Variants in FEZ1 observed in about 807,000 individuals in gnomAD.
FEZ1 encodes fasciculation and elongation protein zeta-1.
In FEZ1, 20 loss-of-function variants were observed where a neutral mutation model predicts 49.3. That is an observed-to-expected ratio of 0.41 (90% CI 0.29 to 0.59). The LOEUF is 0.59. FEZ1 is among the 20% of genes least tolerant of loss of function. FEZ1 has a pLI of 0.36. For synonymous variants in FEZ1, 170 were observed against 180.9 expected (o/e 0.94, Z 0.48); for missense variants, 413 against 476.0 (o/e 0.87, Z 1.23).
At chr11:125,457,872 T>C (rs541308594) in intron 5 of FEZ1, among the ~76,000 whole-genome samples, 5 of 152,238 alleles carry the variant, frequency 3.3e-5, no homozygotes, top group Non-Finnish European at 5.9e-5. Context: ...CCTCTTTGTT[T>C]CTGCTTTGCC....
At chr11:125,461,900 TTTG>T (rs1231083108) in intron 4 of FEZ1, among the ~76,000 whole-genome samples, 7 of 152,218 alleles carry the variant, frequency 4.6e-5, no homozygotes, top group Non-Finnish European at 1.0e-4. Context: ...ATACCCAGTC[TTTG>T]ACTACTGAAA....
intron 4 of FEZ1, among the ~76,000 whole-genome samples, chr11:125,460,892 T>C (rs58929810): frequency 0.14 from 20,847 of 152,224 alleles, 1,578 homozygotes; most frequent in East Asian, 0.29. Flanking sequence ...TTCCAAGAGC[T>C]CCTTTTAGAT....
rs1351128292 is a variant in FEZ1, at chr11:125,457,421, AAAAAAAAAAT to A, written c.668-1325_668-1316del. On this transcript the variant is annotated intron_variant, in intron 5 of 9. Coordinates refer to ENST00000278919, the MANE Select transcript of FEZ1 (RefSeq NM_005103.5). ...TCTACTTTAAAAAAAAAAAAAAAAAAAAAAAAAAATATATATATATATATATATATGTATA... is the reference window on the plus strand; with the variant it reads ...TCTACTTTAAAAAAAAAAAAAAAAAAATATATATATATATATATATGTATA... 2.7e-3 allele frequency among the ~76,000 whole-genome samples: 111 copies of A among 40,576 alleles called. 1 individual carries two copies. The East Asian group carries it at 0.04, about 15-fold the overall frequency. 26.6% of individuals were successfully genotyped at this position (40,576 alleles called of 152,430 possible). A position where few individuals can be genotyped will look rare whatever the true frequency, so the allele number is the denominator to read the frequency against.
intron 6 of FEZ1, chr11:125,455,467 C>T (rs1311096576): frequency 3.6e-6 from 1 of 278,844 alleles, no homozygotes; most frequent in Admixed American, 4.7e-5. Flanking sequence ...CTAAAGAGAC[C>T]AGTCAGGACT....
In FEZ1 at chr11:125,481,217, AT is replaced by A. The variant is rs199824552; in HGVS notation, c.411+316del. Among the ~76,000 whole-genome samples, 1,093 of 149,688 alleles carry A rather than the reference AT, an allele frequency of 7.3e-3. 13 individuals carry two copies. Among genetic ancestry groups the A allele is most frequent in the African/African-American group, 0.025 (1,042 of 40,874 alleles). ...CTACAACTCCTCCTTCCCAACAATA[AT>A]TTTTTTTTTAATTGAACCTCCTAGG... On this transcript the variant is annotated intron_variant, in intron 3 of 9. Coordinates refer to ENST00000278919, the MANE Select transcript of FEZ1 (RefSeq NM_005103.5).
At chr11:125,446,486 T>A (rs1198702260) in intron 9 of FEZ1, among the ~76,000 whole-genome samples, 2 of 152,190 alleles carry the variant, frequency 1.3e-5, no homozygotes. Flanking sequence ...ACAAATTCAG[T>A]GACAACTCAG....
At chr11:125,456,453 G>T (rs1957012062) in intron 5 of FEZ1, among the ~76,000 whole-genome samples, 1 of 152,168 alleles carries the variant, frequency 6.6e-6, no homozygotes, top group Non-Finnish European at 1.5e-5. Context: ...CAAGAATTGG[G>T]GATGGAAAAG....
chr11:125,484,859 A>T (rs1957313272), intron 2 of FEZ1, among the ~76,000 whole-genome samples: 1 of 152,146 alleles, frequency 6.6e-6, no homozygotes, highest in South Asian at 2.1e-4. Flanking sequence ...GCACAGGCAG[A>T]TGCTGGCAGC....
At chr11:125,472,838 T>C (rs1221781468) in intron 3 of FEZ1, among the ~76,000 whole-genome samples, 1 of 152,156 alleles carries the variant, frequency 6.6e-6, no homozygotes, top group Non-Finnish European at 1.5e-5. Context: ...GTGGGGTTTA[T>C]TTTAAAATAA....
Position 125,489,441 on chromosome 11 carries a change from A to G in FEZ1, c.311+26T>C. 1 of 1,590,804 alleles carries G rather than the reference A, an allele frequency of 6.3e-7. No homozygotes were observed. The highest frequency in any genetic ancestry group is 8.6e-7 in the Non-Finnish European group (1 of 1,169,520). ...GGACTACAGGGCTCTCGACTGAAGC[A>G]GGAGAGGGCAATTAAGACTTCTTAC... is the stretch of plus-strand genomic sequence containing the variant. On this transcript the variant is annotated intron_variant, in intron 2 of 9. Transcript: ENST00000278919. The surrounding 1 kb of genome is among the most constrained non-coding windows in gnomAD (Gnocchi z 4.2).
chr11:125,478,572 C>G (rs1367104532), intron 3 of FEZ1, among the ~76,000 whole-genome samples: 1 of 152,202 alleles, frequency 6.6e-6, no homozygotes, highest in Admixed American at 6.5e-5. Flanking sequence ...AGAAGGAATA[C>G]AGAGCACTGG....
intron 6 of FEZ1, 82 bp from the exon 7 acceptor site, chr11:125,454,292 T>C: frequency 9.6e-7 from 1 of 1,045,858 alleles, no homozygotes; most frequent in Non-Finnish European, 1.4e-6. Context: ...GCTACCAGGC[T>C]GTCCCAGATA....
Position 125,452,386 on chromosome 11 carries a change from G to A in FEZ1, c.1044C>T (p.Tyr348=), listed in dbSNP as rs1238813081. ...CTGAGGGAGGAGAGGCTTTCTTCTC[G>A]TAAGGAATGACTGTGTTCAGATACT... ...DKQYLNTVIP[Y]EKKASPPSVE... is the part of the protein sequence containing the mutation. Residue 348 remains tyrosine (Y), a synonymous_variant, in exon 8 of 10, where the codon TAC becomes TAT. Transcript: ENST00000278919. The A allele has an allele frequency of 5.0e-6, 8 of 1,612,456 alleles. No homozygotes were observed. The South Asian group carries it at 5.5e-5, about 11-fold the overall frequency.
chr11:125,447,754 G>A (rs531985245), intron 9 of FEZ1, among the ~76,000 whole-genome samples: 73 of 151,854 alleles, frequency 4.8e-4, no homozygotes, highest in Middle Eastern at 3.4e-3. Flanking sequence ...TCCAGGAGGC[G>A]GAGGTTGTAG....
intron 5 of FEZ1, 84 bp downstream of exon 5, chr11:125,460,414 T>C: frequency 4.1e-6 from 5 of 1,221,574 alleles, no homozygotes; most frequent in East Asian, 2.4e-5. Flanking sequence ...AGGGTTCTAT[T>C]AGCCATGTAC....
At chr11:125,447,793 G>A (rs1956911616) in intron 9 of FEZ1, among the ~76,000 whole-genome samples, 1 of 149,496 alleles carries the variant, frequency 6.7e-6, no homozygotes, top group Non-Finnish European at 1.5e-5. Context: ...TTGCACTCCA[G>A]ACTGGGTGAC....
At chr11:125,459,929 T>G (rs1381988806) in intron 5 of FEZ1, among the ~76,000 whole-genome samples, 3 of 152,144 alleles carry the variant, frequency 2.0e-5, no homozygotes, top group Non-Finnish European at 4.4e-5. Context: ...AAACCTCGTC[T>G]CTACAAAAAT....
At chr11:125,483,670 G>A (rs919094326) in intron 2 of FEZ1, among the ~76,000 whole-genome samples, 4 of 152,222 alleles carry the variant, frequency 2.6e-5, no homozygotes, top group African/African-American at 9.6e-5. Flanking sequence ...TCTGCTGCAA[G>A]AATGAACATG....
Position 125,444,651 on chromosome 11 carries a change from A to G in FEZ1, c.*1444T>C, listed in dbSNP as rs964428903. On this transcript the variant is annotated 3_prime_UTR_variant, in exon 10 of 10. Transcript: ENST00000278919. ...TGGGAGTGCCTTCTGTGTCCCCTAG[A>G]TGGATTCTGTGGCCTTCTGTGGAGC... Among the ~76,000 whole-genome samples, 1 of 151,630 alleles carries G rather than the reference A, an allele frequency of 6.6e-6. No individual in the cohort carries two copies. The highest frequency in any genetic ancestry group is 1.5e-5 in the Non-Finnish European group (1 of 67,972).
Sources: allele counts gnomAD v4.1 joint callset (sites outside exome capture counted in the v4.1 genomes callset), GRCh38; gene constraint gnomAD v4.1.1; non-coding constraint Gnocchi (gnomAD v3.1); transcripts MANE v1.5; gene names NCBI Gene and HGNC (gene_info 2026-07-23, HGNC 2026-07-21).